Variants in CLEC4A observed in about 807,000 individuals in gnomAD.
The protein encoded by CLEC4A is C-type (calcium dependent, carbohydrate-recognition domain) lectin, superfamily member 6.
A neutral mutation model predicts 32.7 loss-of-function variants in CLEC4A; 27 were observed. The ratio of observed to expected loss-of-function variants is 0.83; its 90% CI spans 0.61 to 1.14. The LOEUF is 1.14. Among genes scored for constraint, CLEC4A ranks in the 50% most tolerant of loss-of-function variants. The pLI is 0.00. For synonymous variants in CLEC4A, 89 were observed against 93.7 expected, an observed-to-expected ratio of 0.95 and a Z score of 0.29; for missense variants, 253 against 274.6, an observed-to-expected ratio of 0.92 and a Z score of 0.55.
chr12:8,114,370 G>A, the CLEC4A span, among the ~76,000 whole-genome samples: 1 of 151,566 alleles, frequency 6.6e-6, no homozygotes, highest in Non-Finnish European at 1.5e-5. Context: ...TCAGCCTCCC[G>A]AGTAGCTGGG....
At chr12:8,120,536 G>C (rs1947822986), upstream of CLEC4A, among the ~76,000 whole-genome samples, 1 of 152,188 alleles carries the variant, frequency 6.6e-6, no homozygotes, top group African/African-American at 2.4e-5. Context: ...AACAAGTGAA[G>C]GCACACTGTC....
At chr12:8,134,874 A>G (rs1043560020) in intron 3 of CLEC4A, 2 of 1,507,850 alleles carry the variant, frequency 1.3e-6, no homozygotes, top group East Asian at 2.5e-5. Flanking sequence ...CGCCCCAAGC[A>G]TGGTGAAATC....
chr12:8,135,425 C>T (rs1320780068), intron 3 of CLEC4A, among the ~76,000 whole-genome samples, 160 bp from the exon 4 acceptor site: 1 of 152,110 alleles, frequency 6.6e-6, no homozygotes, highest in Non-Finnish European at 1.5e-5. Flanking sequence ...GTAGACTTGG[C>T]TTCCTTGACA....
At position 8,136,815 on chromosome 12, in the gene CLEC4A, G is replaced by T. The variant is rs201965264; in HGVS notation, c.478G>T (p.Glu160Ter). ...QDFIFQNLQE[E>*]SAYFVGLSDP... ...TTTCATCTTCCAGAATCTGCAAGAA[G>T]AATCTGCTTATTTTGTGGGGCTCTC... is the stretch of plus-strand genomic sequence containing the variant. Residue 160 changes from glutamate (E) to a stop codon, truncating the protein, a stop_gained, in exon 5 of 6, where the codon GAA becomes TAA. Transcript: ENST00000229332. LOFTEE classifies it high-confidence loss of function. 9.3e-6 allele frequency: 15 copies of T among 1,613,002 alleles called. No individual in the cohort carries two copies. The African/African-American group carries it at 2.0e-4, about 22-fold the overall frequency.
chr12:8,107,717 G>C, the CLEC4A span, among the ~76,000 whole-genome samples: 1 of 150,944 alleles, frequency 6.6e-6, no homozygotes, highest in East Asian at 1.9e-4. Context: ...ATTTCTGTGG[G>C]GCCAATGGTA....
In CLEC4A at chr12:8,136,804, A is replaced by G. The variant is rs1297346064; in HGVS notation, c.467A>G (p.Asn156Ser). 5.0e-6 allele frequency: 8 copies of G among 1,610,852 alleles called. No homozygotes were observed. The highest frequency in any genetic ancestry group is 4.2e-6 in the Non-Finnish European group (5 of 1,177,178). Residue 156 changes from asparagine (N) to serine (S), a missense_variant, in exon 5 of 6, where the codon AAT becomes AGT. Coordinates refer to ENST00000229332, the MANE Select transcript of CLEC4A (RefSeq NM_016184.4). ...CCCCCTCAGGATTTCATCTTCCAGA[A>G]TCTGCAAGAAGAATCTGCTTATTTT... ...TQEEQDFIFQ[N>S]LQEESAYFVG... is the part of the protein sequence containing the mutation.
At position 8,131,568 on chromosome 12, in the gene CLEC4A, G is replaced by A. The variant is rs115802618; in HGVS notation, c.298+2206G>A. 9.8e-3 allele frequency among the ~76,000 whole-genome samples: 1,489 copies of A among 152,172 alleles called. 21 individuals carry two copies. Among genetic ancestry groups the A allele is most frequent in the African/African-American group, 0.034 (1,414 of 41,512 alleles). ...ATGAAATCTACTTACATTATTGAGG[G>A]CAATCTGCTTTACTCAAAGTCCAGC... On this transcript the variant is annotated intron_variant, in intron 3 of 5. Coordinates refer to ENST00000229332, the MANE Select transcript of CLEC4A (RefSeq NM_016184.4).
In CLEC4A at chr12:8,133,791, A is replaced by G. The variant is rs1948041061; in HGVS notation, c.299-1794A>G. 8 of 1,583,124 alleles carry G rather than the reference A, an allele frequency of 5.1e-6. 1 individual carries two copies. Among genetic ancestry groups the G allele is most frequent in the Non-Finnish European group, 6.0e-6 (7 of 1,164,266 alleles). On this transcript the variant is annotated intron_variant, in intron 3 of 5. Coordinates refer to ENST00000229332, the MANE Select transcript of CLEC4A (RefSeq NM_016184.4). ...GCACCTCAGTTTGAATGCATGGGAG[A>G]GCCCAGAGTGGTGACGGAGACAGGG...
At chr12:8,111,961 G>GTA in the CLEC4A span, among the ~76,000 whole-genome samples, 411 of 144,870 alleles carry the variant, frequency 2.8e-3, 4 homozygotes, top group African/African-American at 0.011. Context: ...GTGTGTGTGT[G>GTA]TGTATTTTAT....
intron 3 of CLEC4A, chr12:8,134,989 TTTTTTTA>T: frequency 3.6e-6 from 1 of 275,170 alleles, no homozygotes. Flanking sequence ...GTTTTTTGTT[TTTTTTTA>T]ATCATGGCTG....
chr12:8,138,335 T>A lies in CLEC4A; in HGVS notation c.*48T>A, dbSNP rs767950075. 85 of 1,599,956 alleles carry A rather than the reference T, an allele frequency of 5.3e-5. No homozygotes were observed. The South Asian group carries it at 9.4e-4, about 18-fold the overall frequency. ...GTGGTTGGATTGGTATCTGTCATTG[T>A]AGGGATAGATAATAAGCTCTTCTTA... On this transcript the variant is annotated 3_prime_UTR_variant, in exon 6 of 6. Transcript: ENST00000229332.
upstream of CLEC4A, chr12:8,121,585 A>T (rs1947830918): frequency 6.6e-6 from 1 of 152,510 alleles, no homozygotes. Context: ...CAGAGTGAGA[A>T]GAACATCCCT....
intron 3 of CLEC4A, among the ~76,000 whole-genome samples, chr12:8,130,962 G>C (rs150784088): frequency 1.3e-5 from 2 of 152,086 alleles, no homozygotes; most frequent in African/African-American, 2.4e-5. Context: ...CTTTAGGCAC[G>C]TCTTGGCTGT....
At position 8,138,502 on chromosome 12, in the gene CLEC4A, C is replaced by T. The variant is rs1455634444; in HGVS notation, c.*215C>T. 3.9e-6 allele frequency: 2 copies of T among 507,182 alleles called. No individual in the cohort carries two copies. Among genetic ancestry groups the T allele is most frequent in the African/African-American group, 3.9e-5 (2 of 50,830 alleles). 31.4% of individuals were successfully genotyped at this position (507,182 alleles called of 1,614,324 possible). A position where few individuals can be genotyped will look rare whatever the true frequency, so the allele number is the denominator to read the frequency against. ...ATTTTTTCATGTGCCAGAGCCTGTA[C>T]TGGAGGCCCCCATTGTGCACACATG... On this transcript the variant is annotated 3_prime_UTR_variant, in exon 6 of 6. Coordinates refer to ENST00000229332, the MANE Select transcript of CLEC4A (RefSeq NM_016184.4).
At chr12:8,112,882 T>C in the CLEC4A span, among the ~76,000 whole-genome samples, 1 of 152,238 alleles carries the variant, frequency 6.6e-6, no homozygotes, top group Non-Finnish European at 1.5e-5. Context: ...GCCTGGGATT[T>C]TCCCTTCCAC....
chr12:8,124,056 T>A, intron 1 of CLEC4A, 96 bp downstream of exon 1: 1 of 806,046 alleles, frequency 1.2e-6, no homozygotes. Flanking sequence ...TTGCTGGTTG[T>A]CTGATTGAGT....
chr12:8,133,999 G>T, intron 3 of CLEC4A: 2 of 1,606,886 alleles, frequency 1.2e-6, no homozygotes, highest in Non-Finnish European at 1.7e-6. Flanking sequence ...TTGATCGCTT[G>T]CCCTTCTGGC....
the CLEC4A span, among the ~76,000 whole-genome samples, chr12:8,115,852 G>A: frequency 5.9e-5 from 9 of 151,900 alleles, no homozygotes; most frequent in South Asian, 1.0e-3. Context: ...GCAGTGACAC[G>A]ATCACAACTC....
chr12:8,138,038 C>A, intron 5 of CLEC4A, 102 bp from the exon 6 acceptor site: 1 of 1,293,100 alleles, frequency 7.7e-7, no homozygotes, highest in Non-Finnish European at 1.1e-6. Flanking sequence ...GCATATCTGA[C>A]CCTATGTTCC....
Sources: allele counts gnomAD v4.1 joint callset (sites outside exome capture counted in the v4.1 genomes callset), GRCh38; gene constraint gnomAD v4.1.1; transcripts MANE v1.5; gene names NCBI Gene and HGNC (gene_info 2026-07-23, HGNC 2026-07-21).